The following LAT2 variants were observed in gnomAD, a reference collection of about 807,000 sequenced individuals.
The protein encoded by LAT2 is linker for activation of T-cells family member 2.
LAT2 carries 23 observed loss-of-function variants against 43.4 expected under a neutral mutation model. That is an observed-to-expected ratio of 0.53 (90% CI 0.38 to 0.75). LAT2 has a LOEUF of 0.75. Among genes scored for constraint, LAT2 ranks in the 30% least tolerant of loss-of-function variants. The probability of loss-of-function intolerance (pLI) is 0.00; values close to 1 mark genes in which losing one functional copy is unlikely to be tolerated. For missense variants in LAT2, 284 were observed against 310.2 expected, an observed-to-expected ratio of 0.92 and a Z score of 0.64; for synonymous variants, 128 against 123.2, an observed-to-expected ratio of 1.04 and a Z score of -0.26.
In LAT2 at chr7:74,223,755, C is replaced by G; in HGVS notation, c.420C>G (p.Leu140=). The change falls in exon 11 of 14, where the codon CTC becomes CTG. Residue 140 remains leucine (L), a synonymous_variant. Transcript: ENST00000460943. The part of the protein sequence containing the change: ...DDDANSYENV[L]ICKQKTTETG... ...ATGCCAATTCCTACGAGAATGTGCTCATTTGCAAGCAGAAAACCACAGAGA... is the reference window on the plus strand; with the variant it reads ...ATGCCAATTCCTACGAGAATGTGCTGATTTGCAAGCAGAAAACCACAGAGA... 6.2e-7 allele frequency: 1 copy of G among 1,613,960 alleles called. No homozygotes were observed. The highest frequency in any genetic ancestry group is 8.5e-7 in the Non-Finnish European group (1 of 1,179,968).
At chr7:74,221,497 G>C (rs1192475189) in intron 9 of LAT2, 140 bp from the exon 10 acceptor site, 1 of 480,322 alleles carries the variant, frequency 2.1e-6, no homozygotes, top group Admixed American at 3.1e-5. Context: ...GGGAATCAGA[G>C]AGGAGATCCT....
At chr7:74,223,170 C>T (rs1185875032) in intron 10 of LAT2, among the ~76,000 whole-genome samples, 1 of 152,218 alleles carries the variant, frequency 6.6e-6, no homozygotes, top group Non-Finnish European at 1.5e-5. Flanking sequence ...AATTGCAGCC[C>T]CCGCAGAGTA....
intron 3 of LAT2, 111 bp downstream of exon 3, chr7:74,216,180 C>T: frequency 3.6e-6 from 3 of 841,588 alleles, no homozygotes; most frequent in Non-Finnish European, 5.5e-6. Flanking sequence ...AGATGAACCT[C>T]GTGATGTGAC....
intron 1 of LAT2, among the ~76,000 whole-genome samples, chr7:74,213,161 C>T (rs1295505910): frequency 6.6e-6 from 1 of 151,966 alleles, no homozygotes; most frequent in Non-Finnish European, 1.5e-5. Flanking sequence ...GTTGCCCAGG[C>T]TGGATGGAGT....
intron 13 of LAT2, chr7:74,226,374 A>C (rs1802487215): frequency 6.6e-6 from 1 of 152,242 alleles, no homozygotes; most frequent in South Asian, 2.1e-4. Flanking sequence ...TGGGAGGCTG[A>C]GGTGGGAAGA....
intron 1 of LAT2, among the ~76,000 whole-genome samples, chr7:74,214,593 TATATGAAA>T (rs1325361092): frequency 1.9e-3 from 1 of 538 alleles, no homozygotes; most frequent in Admixed American, 0.045. Flanking sequence ...TATAAATATA[TATATGAAA>T]ATATATATAA....
intron 12 of LAT2, 50 bp downstream of exon 12, chr7:74,224,247 G>A: frequency 6.3e-7 from 1 of 1,579,634 alleles, no homozygotes. Context: ...GCAGGCTTGA[G>A]GGACTGGCCT....
rs1802249369 is a variant in LAT2 at position 74,220,930 on chromosome 7, G to A, written c.332+196G>A. ...CAGGCAGGCATTGGGCGACACTGTT[G>A]TCTCTTAGGTAACCCTGGGTTTGGG... On this transcript the variant is annotated intron_variant, in intron 9 of 13. Coordinates refer to ENST00000460943, the MANE Select transcript of LAT2 (RefSeq NM_032464.3). This position sits in a 1 kb window ranked among gnomAD's most constrained non-coding sequence, Gnocchi z 4.5. Among the ~76,000 whole-genome samples, 1 of 152,176 alleles carries A rather than the reference G, an allele frequency of 6.6e-6. No individual in the cohort carries two copies. The highest frequency in any genetic ancestry group is 2.1e-4 in the South Asian group (1 of 4,828).
At chr7:74,217,841 G>T (rs78193220) in intron 4 of LAT2, among the ~76,000 whole-genome samples, 1 of 152,122 alleles carries the variant, frequency 6.6e-6, no homozygotes, top group African/African-American at 2.4e-5. Flanking sequence ...ACCCACACAC[G>T]CACACCCGCA....
chr7:74,218,249 G>A (rs1401489600), intron 4 of LAT2, among the ~76,000 whole-genome samples: 4 of 152,282 alleles, frequency 2.6e-5, no homozygotes, highest in East Asian at 3.9e-4. Context: ...CACAGGCTCC[G>A]TTCCTCTGTT....
At chr7:74,227,481 A>C (rs1802533930) in intron 13 of LAT2, among the ~76,000 whole-genome samples, 1 of 152,096 alleles carries the variant, frequency 6.6e-6, no homozygotes, top group South Asian at 2.1e-4. Context: ...CAGCCTCCCC[A>C]AGTGCTGGGA....
At chr7:74,223,009 C>A (rs1211801574) in intron 10 of LAT2, among the ~76,000 whole-genome samples, 1 of 152,162 alleles carries the variant, frequency 6.6e-6, no homozygotes, top group Admixed American at 6.5e-5. Flanking sequence ...CCTGGGTCCC[C>A]GAGCAAAGCA....
Position 74,220,067 on chromosome 7 carries a change from T to G in LAT2, c.227+59T>G. 6.3e-7 allele frequency: 1 copy of G among 1,593,440 alleles called. No individual in the cohort carries two copies. The highest frequency in any genetic ancestry group is 8.6e-7 in the Non-Finnish European group (1 of 1,165,946). ...GAAAGTCCTGGAGGTCCTCACCTGG[T>G]GAGCCCAGGTCAAGACCTCCCTCCC... is the stretch of plus-strand genomic sequence containing the variant. On this transcript the variant is annotated intron_variant, in intron 6 of 13. Transcript: ENST00000460943. The surrounding 1 kb of genome is among the most constrained non-coding windows in gnomAD (Gnocchi z 4.5).
intron 1 of LAT2, among the ~76,000 whole-genome samples, chr7:74,211,242 C>G (rs1254086548): frequency 6.6e-6 from 1 of 151,872 alleles, no homozygotes; most frequent in East Asian, 1.9e-4. Flanking sequence ...AAAGTGAGAG[C>G]GAGACAGAGA....
At chr7:74,221,202 G>C (rs1802261221) in intron 9 of LAT2, among the ~76,000 whole-genome samples, 1 of 152,016 alleles carries the variant, frequency 6.6e-6, no homozygotes, top group Non-Finnish European at 1.5e-5. Context: ...GATCACCTGA[G>C]GCCAGGAGTT....
intron 13 of LAT2, among the ~76,000 whole-genome samples, chr7:74,227,811 C>T (rs1802545073): frequency 6.6e-6 from 1 of 151,972 alleles, no homozygotes; most frequent in Non-Finnish European, 1.5e-5. Context: ...GGTTGAGCTG[C>T]TGTGTGAGCT....
chr7:74,227,164 C>A (rs1336835992), intron 13 of LAT2, among the ~76,000 whole-genome samples: 1 of 151,740 alleles, frequency 6.6e-6, no homozygotes, highest in East Asian at 1.9e-4. Context: ...GCCTCAGCCT[C>A]CCGAGTAGCT....
At chr7:74,217,389 C>T (rs745376498) in intron 4 of LAT2, among the ~76,000 whole-genome samples, 3 of 151,976 alleles carry the variant, frequency 2.0e-5, no homozygotes, top group Non-Finnish European at 2.9e-5. Context: ...CGAGATTGTG[C>T]CACTGCACTC....
At position 74,229,447 on chromosome 7, in the gene LAT2, TGTA is replaced by T. The variant is rs782573002; in HGVS notation, c.*525_*527del. On this transcript the variant is annotated 3_prime_UTR_variant, in exon 14 of 14. Transcript: ENST00000460943. ...GTGTTGTCTCCTAGAAAGCATTACATGTAGTTTATTTCAGCATCCTTGTTGGGT... is the reference window on the plus strand; with the variant it reads ...GTGTTGTCTCCTAGAAAGCATTACATGTTTATTTCAGCATCCTTGTTGGGT... 1 of 152,728 alleles carries T rather than the reference TGTA, an allele frequency of 6.5e-6. No homozygotes were observed. The highest frequency in any genetic ancestry group is 1.5e-5 in the Non-Finnish European group (1 of 68,066). 9.5% of individuals were successfully genotyped at this position (152,728 alleles called of 1,614,324 possible).
Sources: allele counts gnomAD v4.1 joint callset (sites outside exome capture counted in the v4.1 genomes callset), GRCh38; gene constraint gnomAD v4.1.1; non-coding constraint Gnocchi (gnomAD v3.1); transcripts MANE v1.5; gene names NCBI Gene and HGNC (gene_info 2026-07-23, HGNC 2026-07-21).